Variants in PGLYRP4 observed in about 807,000 individuals in gnomAD.
The protein encoded by PGLYRP4 is peptidoglycan recognition protein 4.
PGLYRP4 carries 39 observed loss-of-function variants against 41.2 expected under a neutral mutation model. The ratio of observed to expected loss-of-function variants is 0.95; its 90% confidence interval spans 0.73 to 1.24. PGLYRP4 has a LOEUF of 1.24. Among genes scored for constraint, PGLYRP4 ranks in the 50% most tolerant of loss-of-function variants. The probability of loss-of-function intolerance (pLI) is 0.00; values close to 1 mark genes in which losing one functional copy is unlikely to be tolerated. For synonymous variants in PGLYRP4, 202 were observed against 186.8 expected (o/e 1.08, Z -0.66); for missense variants, 467 against 460.7 (o/e 1.01, Z -0.13).
intron 7 of PGLYRP4, among the ~76,000 whole-genome samples, chr1:153,339,224 T>A (rs1660695053): frequency 1.3e-5 from 2 of 152,190 alleles, no homozygotes; most frequent in South Asian, 4.1e-4. Flanking sequence ...TTTCCAAATT[T>A]ACAGTCCATT....
intron 1 of PGLYRP4, among the ~76,000 whole-genome samples, chr1:153,348,243 A>G (rs1341878177): frequency 6.6e-6 from 1 of 152,210 alleles, no homozygotes; most frequent in Admixed American, 6.5e-5. Flanking sequence ...TTATTTAATT[A>G]GTCCTCACAC....
Position 153,343,197 on chromosome 1 carries a change from C to T in PGLYRP4, c.365G>A (p.Gly122Glu), listed in dbSNP as rs761816957. 1 of 1,612,016 alleles carries T rather than the reference C, an allele frequency of 6.2e-7. No homozygotes were observed. The highest frequency in any genetic ancestry group is 2.2e-5 in the East Asian group (1 of 44,870). ...GCDVAYNFLV[G>E]DDGRVYEGVG... ...ACCTTCATACACCCTGCCATCATCC[C>T]CAACCAGGAAGCTATGGAGCAAGAT... The change falls in exon 5 of 9, where the codon GGG (glycine) becomes GAG (glutamate). Residue 122 changes from glycine (G) to glutamate (E), a missense_variant. Physicochemically the swap from Gly to Glu is moderately conservative, Grantham distance 98 (BLOSUM62 -2). Coordinates refer to ENST00000359650, the MANE Select transcript of PGLYRP4 (RefSeq NM_020393.4).
intron 8 of PGLYRP4, among the ~76,000 whole-genome samples, chr1:153,332,278 T>C (rs1234879049): frequency 6.6e-6 from 1 of 152,152 alleles, no homozygotes; most frequent in African/African-American, 2.4e-5. Context: ...CAATCCTAAA[T>C]ATATATGCAC....
At position 153,343,167 on chromosome 1, in the gene PGLYRP4, C is replaced by T; in HGVS notation, c.395G>A (p.Gly132Asp). The change falls in exon 5 of 9, where the codon GGC becomes GAC. Residue 132 changes from glycine to aspartate, a missense_variant. Transcript: ENST00000359650. ...GDDGRVYEGV[G>D]WNIQGVHTQG... ...GGTGTGCACTCCTTGGATATTCCAG[C>T]CAACACCTTCATACACCCTGCCATC... 6.2e-7 allele frequency: 1 copy of T among 1,613,894 alleles called. No homozygotes were observed. Among genetic ancestry groups the T allele is most frequent in the East Asian group, 2.2e-5 (1 of 44,868 alleles).
At chr1:153,338,793 C>T (rs1046931503) in intron 7 of PGLYRP4, among the ~76,000 whole-genome samples, 5 of 152,192 alleles carry the variant, frequency 3.3e-5, no homozygotes, top group Non-Finnish European at 7.3e-5. Context: ...GCTTCCTTCA[C>T]GCCTATTTTC....
intron 6 of PGLYRP4, among the ~76,000 whole-genome samples, chr1:153,341,411 A>G (rs922493930): frequency 8.5e-5 from 13 of 152,220 alleles, no homozygotes; most frequent in Non-Finnish European, 1.8e-4. Flanking sequence ...GGATAATGCT[A>G]TGGCTCTTTC....
Position 153,332,835 on chromosome 1 carries a change from A to G in PGLYRP4, c.944-1890T>C, listed in dbSNP as rs570117539. On this transcript the variant is annotated intron_variant, in intron 8 of 8. Transcript: ENST00000359650. ...AATTAAAGATTTTTTGAAATAAATG[A>G]AAATAGAGACACAACATACCAAAGC... Among the ~76,000 whole-genome samples the G allele has an allele frequency of 1.7e-4, 26 of 152,282 alleles. 1 individual carries two copies. In the South Asian group the frequency reaches 5.4e-3, roughly 32 times the overall value.
At chr1:153,332,172 T>A (rs1037741056) in intron 8 of PGLYRP4, among the ~76,000 whole-genome samples, 42 of 151,738 alleles carry the variant, frequency 2.8e-4, no homozygotes, top group African/African-American at 7.5e-4. Flanking sequence ...CTACACTATA[T>A]CAAGTAAAAC....
chr1:153,335,270 G>A (rs1660507920), intron 8 of PGLYRP4, among the ~76,000 whole-genome samples: 1 of 152,088 alleles, frequency 6.6e-6, no homozygotes, highest in Non-Finnish European at 1.5e-5. Flanking sequence ...CCTACAGAAT[G>A]GAGAAAATGT....
At chr1:153,340,066 T>C (rs753775384) in intron 7 of PGLYRP4, among the ~76,000 whole-genome samples, 3 of 152,208 alleles carry the variant, frequency 2.0e-5, no homozygotes, top group Non-Finnish European at 2.9e-5. Context: ...GATTATCTTT[T>C]CTACAGGTGT....
intron 7 of PGLYRP4, among the ~76,000 whole-genome samples, chr1:153,338,179 C>T (rs1660645418): frequency 6.6e-6 from 1 of 152,216 alleles, no homozygotes; most frequent in Non-Finnish European, 1.5e-5. Context: ...ACCCATTGGC[C>T]CCAGCCAGGA....
chr1:153,342,000 A>G (rs56131029), intron 5 of PGLYRP4, among the ~76,000 whole-genome samples: 83 of 152,244 alleles, frequency 5.5e-4, no homozygotes, highest in South Asian at 4.4e-3. Context: ...ATACCTGCCA[A>G]ACTTCACCTC....
chr1:153,338,511 C>T (rs1660661213), intron 7 of PGLYRP4, among the ~76,000 whole-genome samples: 1 of 152,190 alleles, frequency 6.6e-6, no homozygotes, highest in African/African-American at 2.4e-5. Flanking sequence ...TGTTTTCAGT[C>T]CCTCAGCACT....
At chr1:153,333,510 C>A (rs1054766547) in intron 8 of PGLYRP4, among the ~76,000 whole-genome samples, 1 of 151,972 alleles carries the variant, frequency 6.6e-6, no homozygotes, top group African/African-American at 2.4e-5. Context: ...GGAAGAATAC[C>A]AACCCTACTA....
chr1:153,342,783 G>A (rs150743104), intron 5 of PGLYRP4, among the ~76,000 whole-genome samples: 73 of 152,344 alleles, frequency 4.8e-4, no homozygotes, highest in Middle Eastern at 3.4e-3. Flanking sequence ...TGACATAGAG[G>A]AGAGAGCTGA....
chr1:153,336,271 T>C (rs986472098), intron 8 of PGLYRP4, among the ~76,000 whole-genome samples: 1 of 144,850 alleles, frequency 6.9e-6, no homozygotes, highest in Non-Finnish European at 1.5e-5. Flanking sequence ...CTCGGGAGGT[T>C]GAGGCCAGAG....
chr1:153,332,866 G>A (rs370752563), intron 8 of PGLYRP4, among the ~76,000 whole-genome samples: 13 of 151,660 alleles, frequency 8.6e-5, no homozygotes, highest in Admixed American at 2.6e-4. Flanking sequence ...AAAGCCTCTG[G>A]GATACAACAA....
chr1:153,341,583 G>T, intron 6 of PGLYRP4, 44 bp downstream of exon 6: 1 of 1,566,096 alleles, frequency 6.4e-7, no homozygotes, highest in Non-Finnish European at 8.7e-7. Flanking sequence ...GTTAGTTGGG[G>T]TGAGCCCAGT....
At chr1:153,338,890 A>ATAGAATAG (rs1660681189) in intron 7 of PGLYRP4, among the ~76,000 whole-genome samples, 1 of 152,178 alleles carries the variant, frequency 6.6e-6, no homozygotes, top group Admixed American at 6.5e-5. Flanking sequence ...TGTTTGAATT[A>ATAGAATAG]CTTTTCTTCC....
Sources: allele counts gnomAD v4.1 joint callset (sites outside exome capture counted in the v4.1 genomes callset), GRCh38; gene constraint gnomAD v4.1.1; transcripts MANE v1.5; gene names NCBI Gene and HGNC (gene_info 2026-07-23, HGNC 2026-07-21).